VPS54: variants seen among roughly 807,000 people sequenced by gnomAD.
The protein encoded by VPS54 is VPS54 subunit of GARP complex, also known as vacuolar protein sorting-associated protein 54.
VPS54 carries 45 observed loss-of-function variants against 121.5 expected under a neutral mutation model. The ratio of observed to expected loss-of-function variants is 0.37; its 90% CI spans 0.29 to 0.47. VPS54 has a LOEUF of 0.47. Among genes scored for constraint, VPS54 ranks in the 20% least tolerant of loss-of-function variants. The pLI, the probability that VPS54 is intolerant of heterozygous loss-of-function variation, is 0.99. For missense variants in VPS54, 1,090 were observed against 1,131.4 expected (o/e 0.96, Z 0.52); for synonymous variants, 371 against 385.8 (o/e 0.96, Z 0.45).
At chr2:64,014,151 A>T (rs1678574563) in intron 1 of VPS54, among the ~76,000 whole-genome samples, 1 of 152,256 alleles carries the variant, frequency 6.6e-6, no homozygotes, top group Non-Finnish European at 1.5e-5. Flanking sequence ...CTATTTCTTC[A>T]GTTAAATTCT....
chr2:63,920,466 T>G lies in VPS54; in HGVS notation c.2031A>C (p.Glu677Asp). Residue 677 changes from glutamate to aspartate, a missense_variant, in exon 14 of 23, where the codon GAA (glutamate) becomes GAC (aspartate). Physicochemically the swap from Glu to Asp is conservative, Grantham distance 45 (BLOSUM62 2). Around this residue, in one of 2 missense-constraint regions of VPS54, gnomAD observed 289 missense variants for 374.4 expected, o/e 0.77. Transcript: ENST00000272322. ...QAIKFVNRFH[E>D]ERKTKLSLLL... ...GATACCTGAGCTTGGTTTTTCTCTC[T>G]TCATGAAACCTATTTACAAACTTAA... The G allele has an allele frequency of 6.5e-7, 1 of 1,547,788 alleles. No individual in the cohort carries two copies. The highest frequency in any genetic ancestry group is 8.7e-7 in the Non-Finnish European group (1 of 1,150,720).
chr2:63,907,455 T>C (rs1232647955), intron 20 of VPS54, among the ~76,000 whole-genome samples: 2 of 135,446 alleles, frequency 1.5e-5, no homozygotes, highest in Non-Finnish European at 3.2e-5. Flanking sequence ...GAGGCGGAGG[T>C]TGCGGTGAGC....
At position 63,958,282 on chromosome 2, in the gene VPS54, T is replaced by C. The variant is rs537772668; in HGVS notation, c.1010+3776A>G. Among the ~76,000 whole-genome samples, 9 of 152,026 alleles carry C rather than the reference T, an allele frequency of 5.9e-5. No homozygotes were observed. In the East Asian group the frequency reaches 1.7e-3, roughly 29 times the overall value. On this transcript the variant is annotated intron_variant, in intron 7 of 22. Transcript: ENST00000272322. ...TCAGAGGTCACCAAAAAAGTTTACA[T>C]GAAAAATAATTTCAAAGTCAAAAAA...
chr2:63,897,178 A>G (rs995575934), intron 22 of VPS54, among the ~76,000 whole-genome samples: 4 of 152,236 alleles, frequency 2.6e-5, no homozygotes, highest in Non-Finnish European at 5.9e-5. Flanking sequence ...TGACATTCAC[A>G]TGGTCACACA....
At chr2:63,952,324 AAG>A (rs1352161261) in intron 7 of VPS54, among the ~76,000 whole-genome samples, 1 of 152,222 alleles carries the variant, frequency 6.6e-6, no homozygotes, top group Non-Finnish European at 1.5e-5. Context: ...ACTTAAGTGA[AAG>A]AGTCCAATGG....
At chr2:63,901,799 T>A (rs1482478697) in intron 20 of VPS54, among the ~76,000 whole-genome samples, 1 of 152,098 alleles carries the variant, frequency 6.6e-6, no homozygotes, top group Non-Finnish European at 1.5e-5. Context: ...GTGGATCACC[T>A]GAGGTCAGGA....
In VPS54 at chr2:63,948,860, T is replaced by C. The variant is rs141483595; in HGVS notation, c.1137+177A>G. Among the ~76,000 whole-genome samples, 179 of 152,322 alleles carry C rather than the reference T, an allele frequency of 1.2e-3. 1 individual carries two copies. The highest frequency in any genetic ancestry group is 3.4e-3 in the Admixed American group (52 of 15,290). On this transcript the variant is annotated intron_variant, in intron 8 of 22. Transcript: ENST00000272322. ...ACAATTATTTTATTCTCTAATTCCA[T>C]AGGATAGTGAACAATCATGGTGCTT... is the stretch of plus-strand genomic sequence containing the variant.
chr2:63,951,987 A>AC (rs1559016972), intron 7 of VPS54, among the ~76,000 whole-genome samples: 1 of 152,142 alleles, frequency 6.6e-6, no homozygotes, highest in Non-Finnish European at 1.5e-5. Context: ...TATTTACTGA[A>AC]TATCAATGGT....
intron 3 of VPS54, among the ~76,000 whole-genome samples, chr2:63,980,562 T>C (rs1676760547): frequency 1.3e-5 from 2 of 152,160 alleles, no homozygotes; most frequent in African/African-American, 4.8e-5. Flanking sequence ...CTGTCTTCCA[T>C]TATTAGCTGT....
chr2:63,955,739 C>G (rs1675466185), intron 7 of VPS54, among the ~76,000 whole-genome samples: 1 of 152,000 alleles, frequency 6.6e-6, no homozygotes, highest in Non-Finnish European at 1.5e-5. Flanking sequence ...ATGCAACTTT[C>G]AGAACTATAA....
At chr2:63,927,788 C>T (rs746914544) in intron 12 of VPS54, among the ~76,000 whole-genome samples, 4 of 152,136 alleles carry the variant, frequency 2.6e-5, no homozygotes, top group Non-Finnish European at 5.9e-5. Context: ...GAGTGGCTAA[C>T]TAGAATAACC....
intron 16 of VPS54, among the ~76,000 whole-genome samples, chr2:63,916,401 T>C (rs908826831): frequency 2.0e-5 from 3 of 152,190 alleles, no homozygotes; most frequent in African/African-American, 7.2e-5. Context: ...CCAATGAGAA[T>C]AACTACCAAC....
intron 12 of VPS54, among the ~76,000 whole-genome samples, chr2:63,924,527 G>A (rs1038380797): frequency 6.6e-6 from 1 of 152,104 alleles, no homozygotes; most frequent in Non-Finnish European, 1.5e-5. Flanking sequence ...ATATTAATAT[G>A]GATTAAAAAG....
Position 63,926,944 on chromosome 2 carries a change from G to A in VPS54, c.1740-5609C>T, listed in dbSNP as rs185062405. The stretch of plus-strand genomic sequence containing the variant: ...GAGCTTGGTGGGGGGAGAGGCGTCT[G>A]CCATTGCTGAGGCTTGAGTAGGCAG... On this transcript the variant is annotated intron_variant, in intron 12 of 22. Coordinates refer to ENST00000272322, the MANE Select transcript of VPS54 (RefSeq NM_016516.3). Among the ~76,000 whole-genome samples, 214 of 152,262 alleles carry A rather than the reference G, an allele frequency of 1.4e-3. 2 individuals carry two copies. The highest frequency in any genetic ancestry group is 4.7e-3 in the African/African-American group (194 of 41,560).
At chr2:63,981,618 A>G (rs1179512395) in intron 3 of VPS54, 28 bp downstream of exon 3, 5 of 1,537,798 alleles carry the variant, frequency 3.3e-6, no homozygotes, top group Non-Finnish European at 2.6e-6. Context: ...TTTTGACCTG[A>G]CTGTAACTAG....
At position 63,974,915 on chromosome 2, in the gene VPS54, C is replaced by G. The variant is rs566793294; in HGVS notation, c.379-2671G>C. ...TTCCTAATTTTTATATATTTTATTT[C>G]CTTTTCTTATTACATTAGTTAGGAC... On this transcript the variant is annotated intron_variant, in intron 3 of 22. Transcript: ENST00000272322. The G allele has an allele frequency of 2.1e-6, 3 of 1,423,312 alleles. No individual in the cohort carries two copies. In the South Asian group the frequency reaches 4.5e-5, roughly 21 times the overall value. 88.2% of individuals were successfully genotyped at this position (1,423,312 alleles called of 1,614,324 possible). A position where few individuals can be genotyped will look rare whatever the true frequency, so the allele number is the denominator to read the frequency against.
chr2:63,933,540 C>T, intron 12 of VPS54, 133 bp downstream of exon 12: 1 of 772,092 alleles, frequency 1.3e-6, no homozygotes, highest in South Asian at 2.2e-5. Flanking sequence ...AGATACGTTT[C>T]ATAAAATTAA....
At chr2:63,931,528 G>GT (rs1674201957) in intron 12 of VPS54, among the ~76,000 whole-genome samples, 1 of 152,254 alleles carries the variant, frequency 6.6e-6, no homozygotes, top group East Asian at 1.9e-4. Context: ...AGACTTAAAC[G>GT]TAAGACCTAG....
intron 8 of VPS54, among the ~76,000 whole-genome samples, chr2:63,948,197 C>A (rs1675077992): frequency 6.6e-6 from 1 of 152,082 alleles, no homozygotes; most frequent in Non-Finnish European, 1.5e-5. Flanking sequence ...GGGAAGTCAA[C>A]TGCTAACATC....
Sources: allele counts gnomAD v4.1 joint callset (sites outside exome capture counted in the v4.1 genomes callset), GRCh38; gene constraint gnomAD v4.1.1; regional missense constraint gnomAD v4.1.1; transcripts MANE v1.5; gene names NCBI Gene and HGNC (gene_info 2026-07-23, HGNC 2026-07-21).